The following LAPTM4A variants were observed in gnomAD, a reference collection of about 807,000 sequenced individuals.
The protein encoded by LAPTM4A is lysosomal protein transmembrane 4 alpha.
Under a neutral mutation model 29.9 loss-of-function variants are expected in LAPTM4A, and 19 were observed. That is an observed-to-expected ratio of 0.64 (90% CI 0.44 to 0.93). LAPTM4A has a LOEUF of 0.93. Among genes scored for constraint, LAPTM4A ranks in the 40% least tolerant of loss-of-function variants. The pLI is 0.00. For synonymous variants in LAPTM4A, 105 were observed against 102.1 expected, an observed-to-expected ratio of 1.03 and a Z score of -0.17; for missense variants, 293 against 288.5, an observed-to-expected ratio of 1.02 and a Z score of -0.11.
intron 2 of LAPTM4A, among the ~76,000 whole-genome samples, chr2:20,040,643 TATG>T (rs1346662750): frequency 6.6e-6 from 1 of 152,232 alleles, no homozygotes; most frequent in South Asian, 2.1e-4. Flanking sequence ...TTTGCCACTG[TATG>T]ATAACTGCCT....
At chr2:20,051,287 TA>T in intron 1 of LAPTM4A, 122 bp downstream of exon 1, 1 of 709,874 alleles carries the variant, frequency 1.4e-6, no homozygotes, top group Non-Finnish European at 2.5e-6. Flanking sequence ...TGGCGCGCCT[TA>T]AAAAGCAGCG....
chr2:20,050,565 T>A (rs567929376), intron 1 of LAPTM4A, among the ~76,000 whole-genome samples: 1 of 152,208 alleles, frequency 6.6e-6, no homozygotes, highest in South Asian at 2.1e-4. Context: ...AAGTTAGGTT[T>A]AATGTGCATG....
rs1235276011 is a variant in LAPTM4A, at chr2:20,046,748, T to TATATAAATATATATATAATATAA, written c.111+4661_111+4662insTTATATTATATATATATTTATAT. Among the ~76,000 whole-genome samples the TATATAAATATATATATAATATAA allele has an allele frequency of 2.3e-5, 3 of 132,660 alleles. No homozygotes were observed. In the East Asian group the frequency reaches 7.9e-4, roughly 35 times the overall value. The allele number at this position is 132,660 out of a possible 152,430, so 87.0% of individuals were successfully genotyped here. On this transcript the variant is annotated intron_variant, in intron 1 of 6. Coordinates refer to ENST00000175091, the MANE Select transcript of LAPTM4A (RefSeq NM_014713.5). ...TTATATATCTATATATAAATATATA[T>TATATAAATATATATATAATATAA]TATATAAATATATATATAATATAAT...
intron 3 of LAPTM4A, 37 bp from the exon 4 acceptor site, chr2:20,037,475 T>C (rs774265055): frequency 1.2e-6 from 2 of 1,603,842 alleles, no homozygotes; most frequent in East Asian, 2.2e-5. Context: ...TTGTATCACA[T>C]ATAGGAAATT....
chr2:20,036,431 C>T (rs1238861338), intron 4 of LAPTM4A, among the ~76,000 whole-genome samples: 1 of 152,210 alleles, frequency 6.6e-6, no homozygotes. Flanking sequence ...CCACAGTAAC[C>T]TACAATGGTG....
chr2:20,034,823 A>C (rs893303997), intron 5 of LAPTM4A, 144 bp downstream of exon 5: 2 of 646,536 alleles, frequency 3.1e-6, no homozygotes, highest in Non-Finnish European at 5.6e-6. Context: ...CATTCCCTAG[A>C]AGCTATCTCT....
In LAPTM4A at chr2:20,032,801, A is replaced by G. The variant is rs1193721052; in HGVS notation, c.*404T>C. 1 of 172,774 alleles carries G rather than the reference A, an allele frequency of 5.8e-6. No individual in the cohort carries two copies. Among genetic ancestry groups the G allele is most frequent in the East Asian group, 1.5e-4 (1 of 6,568 alleles). 10.7% of individuals were successfully genotyped at this position (172,774 alleles called of 1,614,324 possible). ...ATGAAAAGTTCAGATCTTATACCCA[A>G]CTACTTACTCACCCCGAATATTTAA... is the stretch of plus-strand genomic sequence containing the variant. On this transcript the variant is annotated 3_prime_UTR_variant, in exon 7 of 7. Coordinates refer to ENST00000175091, the MANE Select transcript of LAPTM4A (RefSeq NM_014713.5).
At position 20,032,858 on chromosome 2, in the gene LAPTM4A, A is replaced by G. The variant is rs1673592538; in HGVS notation, c.*347T>C. The G allele has an allele frequency of 8.6e-6, 2 of 233,144 alleles. No homozygotes were observed. The highest frequency in any genetic ancestry group is 1.7e-5 in the Non-Finnish European group (2 of 117,608). 14.4% of individuals were successfully genotyped at this position (233,144 alleles called of 1,614,324 possible). Reference sequence around the variant, plus strand: ...CTTCCTGAAAGTACTCAGGGTAGCAAGTAACAAAATGCAAACGATTATATA... The same window carrying G: ...CTTCCTGAAAGTACTCAGGGTAGCAGGTAACAAAATGCAAACGATTATATA... On this transcript the variant is annotated 3_prime_UTR_variant, in exon 7 of 7. Coordinates refer to ENST00000175091, the MANE Select transcript of LAPTM4A (RefSeq NM_014713.5).
At position 20,051,577 on chromosome 2, in the gene LAPTM4A, G is replaced by T; in HGVS notation, c.-57C>A. The T allele has an allele frequency of 8.7e-7, 1 of 1,155,194 alleles. No homozygotes were observed. The highest frequency in any genetic ancestry group is 1.3e-6 in the Non-Finnish European group (1 of 799,578). The allele number at this position is 1,155,194 out of a possible 1,614,324, so 71.6% of individuals were successfully genotyped here. On this transcript the variant is annotated 5_prime_UTR_variant, in exon 1 of 7. The change creates a new upstream start codon in the 5' untranslated region. Coordinates refer to ENST00000175091, the MANE Select transcript of LAPTM4A (RefSeq NM_014713.5). ...CCCTGACAAACGTTCTCCACCCGCA[G>T]CCAAACTCAAACGGCTGTTTCACGG... is the stretch of plus-strand genomic sequence containing the variant.
At chr2:20,041,081 T>A (rs1343759915) in intron 1 of LAPTM4A, 70 bp from the exon 2 acceptor site, 1 of 1,437,428 alleles carries the variant, frequency 7.0e-7, no homozygotes, top group Non-Finnish European at 9.7e-7. Context: ...AATCTCTAGA[T>A]GTCCTCTCAT....
intron 1 of LAPTM4A, among the ~76,000 whole-genome samples, chr2:20,050,174 C>T (rs896369873): frequency 2.6e-5 from 4 of 152,140 alleles, no homozygotes; most frequent in African/African-American, 9.7e-5. Context: ...ACATCAGAAA[C>T]AAGACGGTAA....
intron 5 of LAPTM4A, 78 bp downstream of exon 5, chr2:20,034,889 T>C: frequency 1.0e-6 from 1 of 996,498 alleles, no homozygotes; most frequent in South Asian, 1.4e-5. Context: ...CTGTGACTTG[T>C]AAGGTGAAAG....
At chr2:20,037,749 G>C in intron 2 of LAPTM4A, 135 bp from the exon 3 acceptor site, 1 of 451,940 alleles carries the variant, frequency 2.2e-6, no homozygotes, top group South Asian at 4.8e-5. Context: ...AGGCCAAGAG[G>C]GTAAAAAAAA....
In LAPTM4A at chr2:20,040,941, T is replaced by C. The variant is rs1673782835; in HGVS notation, c.182A>G (p.Asn61Ser). The C allele has an allele frequency of 1.2e-6, 2 of 1,613,800 alleles. No individual in the cohort carries two copies. Among genetic ancestry groups the C allele is most frequent in the East Asian group, 4.5e-5 (2 of 44,874 alleles). Residue 61 changes from asparagine to serine, a missense_variant, in exon 2 of 7, where the codon AAC (asparagine) becomes AGC (serine). Asn to Ser is a conservative substitution (Grantham distance 46, BLOSUM62 1). Coordinates refer to ENST00000175091, the MANE Select transcript of LAPTM4A (RefSeq NM_014713.5). ...VTHPNSMPAV[N>S]IQYEVIGNYY... is the part of the protein sequence containing the mutation. ...ATTACCGATGACTTCATACTGAATG[T>C]TGACAGCTGGCATGGAGTTTGGATG...
At chr2:20,042,746 G>C (rs1253727204) in intron 1 of LAPTM4A, among the ~76,000 whole-genome samples, 2 of 152,180 alleles carry the variant, frequency 1.3e-5, no homozygotes, top group African/African-American at 2.4e-5. Flanking sequence ...AATCCCTGTG[G>C]TATCCCAGGA....
chr2:20,034,366 C>T lies in LAPTM4A; in HGVS notation c.578G>A (p.Arg193Gln), dbSNP rs143469937. 25 of 1,613,932 alleles carry T rather than the reference C, an allele frequency of 1.5e-5. No individual in the cohort carries two copies. Among genetic ancestry groups the T allele is most frequent in the Admixed American group, 8.3e-5 (5 of 59,994 alleles). ...GTACACAGCAATCTCCGGCACGTTT[C>T]GGTTGTTGATGTATTTATAGCAGTT... ...VWNCYKYINN[R>Q]NVPEIAVYPA... Residue 193 changes from arginine to glutamine, a missense_variant, in exon 6 of 7, where the codon CGA becomes CAA. Coordinates refer to ENST00000175091, the MANE Select transcript of LAPTM4A (RefSeq NM_014713.5).
intron 4 of LAPTM4A, 29 bp downstream of exon 4, chr2:20,037,287 A>C: frequency 6.5e-7 from 1 of 1,534,166 alleles, no homozygotes; most frequent in East Asian, 2.3e-5. Flanking sequence ...AATGAAAAAA[A>C]AATAAGTTTA....
rs1297166150 is a variant in LAPTM4A, at chr2:20,037,417, G to C, written c.331C>G (p.Pro111Ala). The C allele has an allele frequency of 1.2e-6, 2 of 1,612,314 alleles. No homozygotes were observed. The highest frequency in any genetic ancestry group is 1.1e-5 in the South Asian group (1 of 90,822). ...AISYQVGWLI[P>A]FFCYRLFDFV... ...TCAAAAAGTCGGTAACAGAAGAATG[G>C]AATCAGCCAACCCACTTGATACTGG... The change falls in exon 4 of 7, where the codon CCA becomes GCA. Residue 111 changes from proline (P) to alanine (A), a missense_variant. By Grantham distance (27) the Pro-to-Ala change is conservative. Coordinates refer to ENST00000175091, the MANE Select transcript of LAPTM4A (RefSeq NM_014713.5).
chr2:20,045,790 G>A (rs1673905546), intron 1 of LAPTM4A, among the ~76,000 whole-genome samples: 2 of 151,998 alleles, frequency 1.3e-5, no homozygotes, highest in Non-Finnish European at 2.9e-5. Context: ...ATTCTCTGGA[G>A]ACTTTAAAAA....
Sources: gnomAD v4.1 joint callset for allele counts (sites outside exome capture counted in the v4.1 genomes callset) on GRCh38, gnomAD v4.1.1 for gene constraint, MANE v1.5 for transcripts, NCBI Gene and HGNC (gene_info 2026-07-23, HGNC 2026-07-21) for gene names.